BTAF1: variants seen among roughly 807,000 people sequenced by gnomAD.
The protein encoded by BTAF1 is TATA-binding protein-associated factor 172.
Under a neutral mutation model 227.1 loss-of-function variants are expected in BTAF1, and 38 were observed. The ratio of observed to expected loss-of-function variants is 0.17; its 90% CI spans 0.13 to 0.22. The LOEUF (loss-of-function observed/expected upper bound fraction) is 0.22. BTAF1 is among the 10% of genes least tolerant of loss of function. The probability of loss-of-function intolerance (pLI) is 1.00; values close to 1 mark genes in which losing one functional copy is unlikely to be tolerated. For missense variants in BTAF1, 1,598 were observed against 2,204.0 expected (o/e 0.73, Z 5.51); for synonymous variants, 742 against 751.9 (o/e 0.99, Z 0.21).
intron 3 of BTAF1, among the ~76,000 whole-genome samples, 179 bp downstream of exon 3, chr10:91,940,245 AC>A (rs1036073049): frequency 2.6e-5 from 4 of 152,052 alleles, no homozygotes; most frequent in Admixed American, 2.6e-4. Context: ...AAAAAAAAAA[AC>A]TACTGGATAT....
At chr10:92,015,116 T>A (rs892683633) in intron 32 of BTAF1, among the ~76,000 whole-genome samples, 5 of 152,356 alleles carry the variant, frequency 3.3e-5, no homozygotes, top group Middle Eastern at 3.4e-3. Flanking sequence ...TTTCATTACC[T>A]AAAAATGTTC....
intron 4 of BTAF1, among the ~76,000 whole-genome samples, chr10:91,949,634 C>T (rs1421430615): frequency 1.3e-5 from 2 of 152,020 alleles, no homozygotes; most frequent in African/African-American, 4.8e-5. Flanking sequence ...TAGATTTTAG[C>T]TTTTTAGATT....
intron 34 of BTAF1, among the ~76,000 whole-genome samples, chr10:92,020,428 C>T (rs763408091): frequency 5.9e-5 from 9 of 152,078 alleles, no homozygotes; most frequent in South Asian, 2.1e-4. Context: ...CCCTTATAAA[C>T]GAAGATTTTA....
In BTAF1 at chr10:91,959,138, A is replaced by T. The variant is rs906250341; in HGVS notation, c.974A>T (p.Asp325Val). The T allele has an allele frequency of 1.2e-6, 2 of 1,614,132 alleles. No homozygotes were observed. The highest frequency in any genetic ancestry group is 1.7e-6 in the Non-Finnish European group (2 of 1,179,994). The change falls in exon 9 of 38, where the codon GAC (aspartate) becomes GTC (valine). Residue 325 changes from aspartate to valine, a missense_variant. Coordinates refer to ENST00000265990, the MANE Select transcript of BTAF1 (RefSeq NM_003972.3). ...GGGAAAAGTGGTGGTAAAATGGGTG[A>T]CAGCACTTTAGAAGAGGTAAGTGTA... is the stretch of plus-strand genomic sequence containing the variant. ...AHGKSGGKMGDSTLEEMIQQH... is the reference protein window; with the variant it reads ...AHGKSGGKMGVSTLEEMIQQH...
chr10:91,984,011 G>C (rs1235426338), intron 18 of BTAF1, among the ~76,000 whole-genome samples, 190 bp from the exon 19 acceptor site: 2 of 151,768 alleles, frequency 1.3e-5, no homozygotes, highest in African/African-American at 4.8e-5. Flanking sequence ...AGTCATTCAT[G>C]TTAAAATTTT....
chr10:91,958,239 A>G (rs746683895), intron 8 of BTAF1, among the ~76,000 whole-genome samples: 4 of 151,858 alleles, frequency 2.6e-5, no homozygotes, highest in African/African-American at 9.7e-5. Context: ...TTTATTAGAG[A>G]TGGGGCTTCA....
intron 20 of BTAF1, among the ~76,000 whole-genome samples, chr10:91,991,829 A>ATATATG (rs1564700757): frequency 6.8e-5 from 10 of 146,776 alleles, no homozygotes; most frequent in African/African-American, 2.3e-4. Context: ...ATATATATAT[A>ATATATG]TATACACACA....
chr10:91,923,804 C>T lies in BTAF1; in HGVS notation c.-273C>T, dbSNP rs1456749581. On this transcript the variant is annotated 5_prime_UTR_variant, in exon 1 of 38. Transcript: ENST00000265990. ...TGCCGACGCCCGCGTCAGCAAAGAG[C>T]GGAGCTGAGGGTACCCGGTTTGAAG... The T allele has an allele frequency of 2.0e-5, 8 of 405,608 alleles. No homozygotes were observed. The highest frequency in any genetic ancestry group is 3.1e-5 in the Non-Finnish European group (7 of 228,156). The allele number at this position is 405,608 out of a possible 1,614,324, so 25.1% of individuals were successfully genotyped here.
chr10:91,930,014 CTTAT>C (rs1317373819), intron 1 of BTAF1, among the ~76,000 whole-genome samples: 1 of 152,034 alleles, frequency 6.6e-6, no homozygotes. Flanking sequence ...TAAATTCCTC[CTTAT>C]TTCTTTGGCG....
At chr10:92,021,125 T>G (rs1300962483) in intron 34 of BTAF1, among the ~76,000 whole-genome samples, 1 of 152,208 alleles carries the variant, frequency 6.6e-6, no homozygotes. Flanking sequence ...ATGTATATGC[T>G]GTGAAGTTAG....
chr10:91,960,285 T>C (rs898038793), intron 11 of BTAF1, 131 bp downstream of exon 11: 42 of 963,664 alleles, frequency 4.4e-5, no homozygotes, highest in Non-Finnish European at 6.1e-5. Context: ...ATTTGCCGTC[T>C]TGAGAGAGTG....
chr10:91,938,874 A>G (rs2133806660), intron 2 of BTAF1, among the ~76,000 whole-genome samples: 1 of 152,160 alleles, frequency 6.6e-6, no homozygotes, highest in South Asian at 2.1e-4. Context: ...ATAAAAATAA[A>G]AAAAGTGTGA....
At chr10:91,990,532 C>T (rs185201246) in intron 20 of BTAF1, among the ~76,000 whole-genome samples, 9 of 152,286 alleles carry the variant, frequency 5.9e-5, no homozygotes, top group Non-Finnish European at 8.8e-5. Flanking sequence ...CGGCGGCTCA[C>T]GCCTGTAATC....
At chr10:91,961,168 A>G (rs1387461009) in intron 11 of BTAF1, among the ~76,000 whole-genome samples, 1 of 152,182 alleles carries the variant, frequency 6.6e-6, no homozygotes, top group Non-Finnish European at 1.5e-5. Flanking sequence ...ATTGACGAAA[A>G]AGAAGAGACG....
chr10:91,992,775 C>T (rs865928840), intron 21 of BTAF1, among the ~76,000 whole-genome samples: 5 of 152,142 alleles, frequency 3.3e-5, no homozygotes, highest in African/African-American at 7.2e-5. Context: ...TATAATGGCA[C>T]CTCTGTTAAT....
At chr10:91,939,832 A>G (rs759953793) in intron 2 of BTAF1, 120 bp from the exon 3 acceptor site, 16 of 559,976 alleles carry the variant, frequency 2.9e-5, no homozygotes, top group Non-Finnish European at 4.1e-5. Flanking sequence ...GGTGTTTTAT[A>G]TGTATTTGGA....
chr10:91,952,190 ATTCC>A (rs1383440673), intron 5 of BTAF1, among the ~76,000 whole-genome samples: 2 of 151,370 alleles, frequency 1.3e-5, no homozygotes, highest in African/African-American at 4.9e-5. Flanking sequence ...GTATATATAT[ATTCC>A]TTTTAAGCCA....
intron 25 of BTAF1, among the ~76,000 whole-genome samples, chr10:92,004,059 G>T (rs1849722832): frequency 6.6e-6 from 1 of 151,510 alleles, no homozygotes. Context: ...ACCTATTCAG[G>T]TCCTCTGCCC....
chr10:91,950,148 T>TC (rs1554851559), intron 4 of BTAF1, among the ~76,000 whole-genome samples: 19 of 24,380 alleles, frequency 7.8e-4, no homozygotes, highest in African/African-American at 1.8e-3. Flanking sequence ...TTGTCCTTTG[T>TC]GGGGGGGGGC....
Sources: allele counts gnomAD v4.1 joint callset (sites outside exome capture counted in the v4.1 genomes callset), GRCh38; gene constraint gnomAD v4.1.1; transcripts MANE v1.5; gene names NCBI Gene and HGNC (gene_info 2026-07-23, HGNC 2026-07-21).